The following RNF150 variants were observed in gnomAD, a reference collection of about 807,000 sequenced individuals.
RNF150 encodes the protein ring finger protein 150.
A neutral mutation model predicts 39.3 loss-of-function variants in RNF150; 24 were observed. That is an observed-to-expected ratio of 0.61 (90% CI 0.44 to 0.86). The LOEUF (loss-of-function observed/expected upper bound fraction) is 0.86. Among genes scored for constraint, RNF150 ranks in the 40% least tolerant of loss-of-function variants. RNF150 has a pLI of 0.00. For synonymous variants in RNF150, 255 were observed against 227.3 expected (o/e 1.12, Z -1.10); for missense variants, 502 against 587.8 (o/e 0.85, Z 1.51).
chr4:140,982,070 C>T (rs1733878105), intron 1 of RNF150, among the ~76,000 whole-genome samples: 1 of 152,182 alleles, frequency 6.6e-6, no homozygotes, highest in African/African-American at 2.4e-5. Context: ...ATTACAATCA[C>T]CTTGATTCAG....
At chr4:141,125,254 T>C (rs1277969542) in intron 1 of RNF150, among the ~76,000 whole-genome samples, 4 of 136,686 alleles carry the variant, frequency 2.9e-5, no homozygotes, top group Non-Finnish European at 6.4e-5. Context: ...AAAGGTCATA[T>C]TATACCTGTA....
intron 1 of RNF150, among the ~76,000 whole-genome samples, chr4:140,994,369 C>A (rs1291168788): frequency 6.6e-6 from 1 of 152,188 alleles, no homozygotes; most frequent in East Asian, 1.9e-4. Context: ...ATCTGTGTGC[C>A]TATCTGACCA....
chr4:141,197,283 C>G (rs961383837), intron 1 of RNF150, among the ~76,000 whole-genome samples: 1 of 152,112 alleles, frequency 6.6e-6, no homozygotes, highest in Non-Finnish European at 1.5e-5. Flanking sequence ...TATGCAATAA[C>G]AAATTTAGTT....
chr4:141,178,754 C>T (rs1257620568), intron 1 of RNF150, among the ~76,000 whole-genome samples: 1 of 147,450 alleles, frequency 6.8e-6, no homozygotes, highest in Non-Finnish European at 1.5e-5. Context: ...CCAACTGCTT[C>T]TTAATGTCAA....
chr4:141,072,856 A>G (rs1237124214), intron 1 of RNF150, among the ~76,000 whole-genome samples: 1 of 152,102 alleles, frequency 6.6e-6, no homozygotes, highest in African/African-American at 2.4e-5. Context: ...AAGTCTCAAA[A>G]CAAAAAAGGC....
rs1226739986 is a variant in RNF150 at position 140,920,368 on chromosome 4, G to C, written c.987+5609C>G. Among the ~76,000 whole-genome samples, 7 of 137,830 alleles carry C rather than the reference G, an allele frequency of 5.1e-5. No homozygotes were observed. In the South Asian group the frequency reaches 1.8e-3, roughly 36 times the overall value. 90.4% of individuals were successfully genotyped at this position (137,830 alleles called of 152,430 possible). On this transcript the variant is annotated intron_variant, in intron 5 of 6. Transcript: ENST00000515673. ...AAAAAACAAACAACCCCATCAAAAA[G>C]TGGGCAAAGGACATGAACAGACACT... is the stretch of plus-strand genomic sequence containing the variant.
At chr4:141,012,508 T>G (rs1432324751) in intron 1 of RNF150, among the ~76,000 whole-genome samples, 1 of 151,972 alleles carries the variant, frequency 6.6e-6, no homozygotes. Flanking sequence ...ATATTAAATA[T>G]CATTATAGAC....
chr4:141,126,305 T>A (rs1726754663), intron 1 of RNF150, among the ~76,000 whole-genome samples: 1 of 152,184 alleles, frequency 6.6e-6, no homozygotes, highest in Admixed American at 6.5e-5. Flanking sequence ...CTTAAAGCTG[T>A]CACCCACTGG....
At chr4:141,185,075 G>C (rs1727980912) in intron 1 of RNF150, among the ~76,000 whole-genome samples, 1 of 151,874 alleles carries the variant, frequency 6.6e-6, no homozygotes. Context: ...GAAAGTCAAT[G>C]GTAGCTTAAT....
chr4:141,025,781 T>C (rs1384214730), intron 1 of RNF150, among the ~76,000 whole-genome samples: 2 of 152,122 alleles, frequency 1.3e-5, no homozygotes, highest in African/African-American at 4.8e-5. Flanking sequence ...AAGGGTCAAA[T>C]GAAACATTGA....
At chr4:141,200,412 C>T (rs952678573) in intron 1 of RNF150, among the ~76,000 whole-genome samples, 3 of 151,802 alleles carry the variant, frequency 2.0e-5, no homozygotes, top group African/African-American at 7.3e-5. Context: ...TAATTGCCTC[C>T]CAAAGACTCC....
chr4:140,989,453 C>A (rs925237365), intron 1 of RNF150, among the ~76,000 whole-genome samples: 3 of 151,952 alleles, frequency 2.0e-5, no homozygotes, highest in Non-Finnish European at 4.4e-5. Context: ...ACCTCCATAG[C>A]GGCAAAAAGA....
At chr4:140,897,375 A>G (rs1282475351) in intron 6 of RNF150, among the ~76,000 whole-genome samples, 1 of 152,168 alleles carries the variant, frequency 6.6e-6, no homozygotes, top group Non-Finnish European at 1.5e-5. Context: ...CGAATTGCTC[A>G]GGAAGCCTGA....
At chr4:141,019,523 G>A (rs1691075278) in intron 1 of RNF150, among the ~76,000 whole-genome samples, 1 of 152,034 alleles carries the variant, frequency 6.6e-6, no homozygotes, top group South Asian at 2.1e-4. Context: ...TCTTAATTGA[G>A]CTGTTTTCAG....
chr4:140,947,603 G>T, intron 4 of RNF150, 51 bp downstream of exon 4: 1 of 1,395,944 alleles, frequency 7.2e-7, no homozygotes, highest in Non-Finnish European at 1.0e-6. Context: ...GGCCACGCAG[G>T]CACGCTCCAC....
chr4:141,115,780 A>T (rs768776760), intron 1 of RNF150, among the ~76,000 whole-genome samples: 2 of 152,108 alleles, frequency 1.3e-5, no homozygotes, highest in Non-Finnish European at 2.9e-5. Flanking sequence ...CATGGTACGG[A>T]TACCAAAACA....
intron 1 of RNF150, among the ~76,000 whole-genome samples, chr4:141,183,350 G>T (rs571407590): frequency 2.0e-5 from 3 of 151,986 alleles, no homozygotes; most frequent in South Asian, 4.1e-4. Context: ...TGCCCCACTG[G>T]TATATATGCC....
chr4:140,921,871 A>G (rs551091911), intron 5 of RNF150, among the ~76,000 whole-genome samples: 114 of 152,284 alleles, frequency 7.5e-4, no homozygotes, highest in African/African-American at 2.6e-3. Flanking sequence ...CAAAAACCAC[A>G]TGATTATCTG....
At chr4:141,103,403 G>A (rs1739083662) in intron 1 of RNF150, among the ~76,000 whole-genome samples, 2 of 152,132 alleles carry the variant, frequency 1.3e-5, no homozygotes, top group African/African-American at 4.8e-5. Context: ...GTGAAAAATA[G>A]CTTCTATTAG....
Sources: gnomAD v4.1 joint callset for allele counts (sites outside exome capture counted in the v4.1 genomes callset) on GRCh38, gnomAD v4.1.1 for gene constraint, MANE v1.5 for transcripts, NCBI Gene and HGNC (gene_info 2026-07-23, HGNC 2026-07-21) for gene names.